Variants in ARB2A observed in about 807,000 individuals in gnomAD.
ARB2A encodes cotranscriptional regulator ARB2A.
the ARB2A span, among the ~76,000 whole-genome samples, chr5:93,770,969 G>A: frequency 1.3e-5 from 2 of 151,784 alleles, no homozygotes; most frequent in African/African-American, 4.8e-5. Context: ...AGTTCATATG[G>A]AACCAAAAAA....
At chr5:94,108,734 G>A in the ARB2A span, among the ~76,000 whole-genome samples, 3 of 152,148 alleles carry the variant, frequency 2.0e-5, no homozygotes, top group African/African-American at 7.2e-5. Flanking sequence ...CAAGGATGTG[G>A]AGAAATGGTG....
At chr5:93,756,627 C>G in the ARB2A span, among the ~76,000 whole-genome samples, 1 of 152,184 alleles carries the variant, frequency 6.6e-6, no homozygotes, top group African/African-American at 2.4e-5. Flanking sequence ...AGACAACAAT[C>G]ACTGCAGTTT....
chr5:94,050,824 C>T, the ARB2A span: 2 of 1,605,802 alleles, frequency 1.2e-6, no homozygotes, highest in Non-Finnish European at 1.7e-6. Context: ...TGTGTCTTAA[C>T]TGTCCCTCTA....
chr5:93,901,660 ACTTGCTCAAGC>A, the ARB2A span, among the ~76,000 whole-genome samples: 1 of 152,124 alleles, frequency 6.6e-6, no homozygotes, highest in Non-Finnish European at 1.5e-5. Context: ...TTCTTTTGTT[ACTTGCTCAAGC>A]ATGAATATGT....
the ARB2A span, among the ~76,000 whole-genome samples, chr5:93,779,843 G>A: frequency 6.6e-6 from 1 of 152,164 alleles, no homozygotes; most frequent in Non-Finnish European, 1.5e-5. Flanking sequence ...TTTCCTTTTT[G>A]TAACATCCAA....
chr5:93,942,204 T>C, the ARB2A span, among the ~76,000 whole-genome samples: 3 of 152,174 alleles, frequency 2.0e-5, no homozygotes, highest in African/African-American at 7.2e-5. Context: ...CTCCAAACAC[T>C]AGAGCTGTCA....
the ARB2A span, among the ~76,000 whole-genome samples, chr5:93,780,533 A>T: frequency 8.8e-6 from 1 of 113,232 alleles, no homozygotes; most frequent in African/African-American, 4.3e-5. Flanking sequence ...TCTTTCTCCC[A>T]TCTCCTCCCC....
At chr5:93,660,250 A>G in the ARB2A span, among the ~76,000 whole-genome samples, 1 of 152,260 alleles carries the variant, frequency 6.6e-6, no homozygotes, top group South Asian at 2.1e-4. Flanking sequence ...GGAGTTAAGT[A>G]TAATAACTTG....
the ARB2A span, among the ~76,000 whole-genome samples, chr5:93,767,046 G>C: frequency 6.7e-6 from 1 of 148,544 alleles, no homozygotes; most frequent in Admixed American, 6.7e-5. Flanking sequence ...TTGTGGGTTG[G>C]GGGGAGGGGG....
the ARB2A span, among the ~76,000 whole-genome samples, chr5:93,621,475 G>A: frequency 2.6e-5 from 4 of 152,222 alleles, no homozygotes; most frequent in Non-Finnish European, 4.4e-5. Context: ...CTGTCCCGGG[G>A]TCGTCCGAGG....
the ARB2A span, among the ~76,000 whole-genome samples, chr5:93,893,775 G>A: frequency 6.6e-6 from 1 of 152,142 alleles, no homozygotes; most frequent in Non-Finnish European, 1.5e-5. Context: ...AAAGGTGGCT[G>A]TATAAAATTA....
At chr5:94,015,155 A>T in the ARB2A span, among the ~76,000 whole-genome samples, 131 of 152,268 alleles carry the variant, frequency 8.6e-4, no homozygotes, top group African/African-American at 3.1e-3. Context: ...GCAACAGAAA[A>T]GAAGTAAATA....
At chr5:94,059,850 T>A in the ARB2A span, among the ~76,000 whole-genome samples, 1 of 151,826 alleles carries the variant, frequency 6.6e-6, no homozygotes, top group South Asian at 2.1e-4. Flanking sequence ...CTGAAATAAT[T>A]TATCACCAGC....
At chr5:93,979,374 C>A in the ARB2A span, among the ~76,000 whole-genome samples, 15,912 of 151,982 alleles carry the variant, frequency 0.1, 961 homozygotes, top group Middle Eastern at 0.16. Flanking sequence ...TACACCAGCA[C>A]CATAATGTAG....
chr5:94,029,960 G>A, the ARB2A span, among the ~76,000 whole-genome samples: 1 of 152,162 alleles, frequency 6.6e-6, no homozygotes, highest in Non-Finnish European at 1.5e-5. Context: ...TGGCGGAAGA[G>A]CAAGGGGTGT....
chr5:94,054,584 T>C, the ARB2A span, among the ~76,000 whole-genome samples: 1 of 152,278 alleles, frequency 6.6e-6, no homozygotes, highest in South Asian at 2.1e-4. Flanking sequence ...CATTACCTGG[T>C]TAAGGTACTA....
the ARB2A span, among the ~76,000 whole-genome samples, chr5:94,030,314 G>T: frequency 1.3e-5 from 2 of 152,298 alleles, no homozygotes; most frequent in East Asian, 3.9e-4. Flanking sequence ...CAGTCAGCTG[G>T]GCTCAAATCA....
chr5:93,842,151 A>T, the ARB2A span, among the ~76,000 whole-genome samples: 2 of 152,212 alleles, frequency 1.3e-5, no homozygotes, highest in South Asian at 4.1e-4. Context: ...AAGGTCAGGA[A>T]ATGGGAGGAA....
chr5:93,695,878 C>G, the ARB2A span, among the ~76,000 whole-genome samples: 1 of 152,116 alleles, frequency 6.6e-6, no homozygotes, highest in Non-Finnish European at 1.5e-5. Context: ...AGTTCATGTC[C>G]TTTGCAGGGA....
Sources: allele counts gnomAD v4.1 joint callset (sites outside exome capture counted in the v4.1 genomes callset), GRCh38; gene constraint gnomAD v4.1.1; transcripts MANE v1.5; gene names NCBI Gene and HGNC (gene_info 2026-07-23, HGNC 2026-07-21).